The following ANXA11 variants were observed in gnomAD, a reference collection of about 807,000 sequenced individuals.
ANXA11 encodes annexin A11.
A neutral mutation model predicts 64.7 loss-of-function variants in ANXA11; 57 were observed. That is an observed-to-expected ratio of 0.88 (90% CI 0.71 to 1.10). The LOEUF is 1.10. Ranked by LOEUF, ANXA11 falls within the 50% of genes least tolerant of loss-of-function variation. ANXA11 has a pLI of 0.00. For synonymous variants in ANXA11, 260 were observed against 265.2 expected (o/e 0.98, Z 0.19); for missense variants, 675 against 670.7 (o/e 1.01, Z -0.07).
chr10:80,205,226 A>G (rs1840620219), intron 1 of ANXA11, 117 bp downstream of exon 1: 1 of 148,378 alleles, frequency 6.7e-6, no homozygotes, highest in Admixed American at 6.6e-5. Flanking sequence ...TGCAACCAGG[A>G]AGCCGCAGGG....
intron 1 of ANXA11, chr10:80,195,889 G>C (rs539635581): frequency 6.6e-6 from 1 of 152,516 alleles, no homozygotes; most frequent in East Asian, 1.9e-4. Context: ...AATAGCACAG[G>C]AAAGACCTGC....
At chr10:80,201,388 C>A (rs1456127610) in intron 1 of ANXA11, among the ~76,000 whole-genome samples, 1 of 152,100 alleles carries the variant, frequency 6.6e-6, no homozygotes, top group Non-Finnish European at 1.5e-5. Flanking sequence ...CTCGCTGTGC[C>A]CATGACTTCA....
chr10:80,160,953 C>T (rs951209053), intron 12 of ANXA11, among the ~76,000 whole-genome samples: 6 of 152,094 alleles, frequency 3.9e-5, no homozygotes, highest in African/African-American at 1.4e-4. Flanking sequence ...CAAACATGGC[C>T]GGAACCTGAC....
chr10:80,159,133 A>T lies in ANXA11; in HGVS notation c.1243T>A (p.Ser415Thr), dbSNP rs759947992. The T allele has an allele frequency of 3.1e-6, 5 of 1,613,960 alleles. No homozygotes were observed. Among genetic ancestry groups the T allele is most frequent in the African/African-American group, 1.3e-5 (1 of 74,902 alleles). The part of the protein sequence containing the change: ...DIEKSICREM[S>T]GDLEEGMLAV... Reference sequence around the variant, plus strand: ...AGCATGCCCTCCTCCAGGTCCCCGGACATCTCCCGGCAGATGCTCTTCTCA... The same window carrying T: ...AGCATGCCCTCCTCCAGGTCCCCGGTCATCTCCCGGCAGATGCTCTTCTCA... The change falls in exon 13 of 16, where the codon TCC (serine) becomes ACC (threonine). Residue 415 changes from serine (S) to threonine (T), a missense_variant. By Grantham distance (58) the Ser-to-Thr change is moderately conservative. Transcript: ENST00000422982.
At position 80,169,154 on chromosome 10, in the gene ANXA11, C is replaced by T; in HGVS notation, c.376G>A (p.Ala126Thr). 1 of 1,566,118 alleles carries T rather than the reference C, an allele frequency of 6.4e-7. No individual in the cohort carries two copies. Among genetic ancestry groups the T allele is most frequent in the Non-Finnish European group, 8.6e-7 (1 of 1,160,562 alleles). The change falls in exon 5 of 16, where the codon GCC (alanine) becomes ACC (threonine). Residue 126 changes from alanine to threonine, a missense_variant. Ala to Thr is a moderately conservative substitution (Grantham distance 58, BLOSUM62 0). Transcript: ENST00000422982. ...RMPSYPPYPG[A>T]PVPGQPMPPP... is the part of the protein sequence containing the mutation. ...GGCATGGGCTGGCCCGGCACAGGGG[C>T]CCCTGGGTATGGCGGATATGAGGGC...
At chr10:80,198,488 T>C (rs1306911751) in intron 1 of ANXA11, among the ~76,000 whole-genome samples, 3 of 152,208 alleles carry the variant, frequency 2.0e-5, no homozygotes, top group African/African-American at 7.2e-5. Context: ...CCGGCGGCAT[T>C]ATACAATATG....
In ANXA11 at chr10:80,152,929, G is replaced by A. The variant is rs961885580; in HGVS notation, c.*2924C>T. On this transcript the variant is annotated 3_prime_UTR_variant, in exon 16 of 16. Coordinates refer to ENST00000422982, the MANE Select transcript of ANXA11 (RefSeq NM_145868.2). Reference sequence around the variant, plus strand: ...TGGAGCCATGCCCATCCGAGCCCAAGAACATCTGTACAGCGTCAGCAGGGC... The same window carrying A: ...TGGAGCCATGCCCATCCGAGCCCAAAAACATCTGTACAGCGTCAGCAGGGC... 4 of 152,268 alleles carry A rather than the reference G, an allele frequency of 2.6e-5. No individual in the cohort carries two copies. Among genetic ancestry groups the A allele is most frequent in the Non-Finnish European group, 5.9e-5 (4 of 68,066 alleles). The allele number at this position is 152,268 out of a possible 1,614,324, so 9.4% of individuals were successfully genotyped here.
chr10:80,171,196 G>A (rs1022062657), intron 3 of ANXA11: 45 of 1,283,050 alleles, frequency 3.5e-5, no homozygotes, highest in Non-Finnish European at 4.4e-5. Context: ...GGAGAGCCCA[G>A]GCAGGCTCTG....
chr10:80,171,719 C>T, intron 3 of ANXA11: 1 of 985,510 alleles, frequency 1.0e-6, no homozygotes, highest in Non-Finnish European at 1.2e-6. Flanking sequence ...CTCTTCATCT[C>T]CAGGGCTCCA....
At chr10:80,172,209 G>A (rs1305368268) in intron 3 of ANXA11, among the ~76,000 whole-genome samples, 1 of 152,162 alleles carries the variant, frequency 6.6e-6, no homozygotes, top group Admixed American at 6.5e-5. Flanking sequence ...AGGACCAAAA[G>A]GGGCCAGGGC....
chr10:80,166,010 CCACACGCATGCGCGCGTGCGCA>C (rs1287407937), intron 8 of ANXA11, 52 bp downstream of exon 8: 6 of 879,742 alleles, frequency 6.8e-6, no homozygotes, highest in African/African-American at 3.7e-5. Context: ...GGCTGTGTGT[CCACACGCATGCGCGCGTGCGCA>C]CACACGCGCG....
rs767023683 is a variant in ANXA11, at chr10:80,169,159, G to A, written c.371C>T (p.Pro124Leu). Residue 124 changes from proline (P) to leucine (L), a missense_variant, in exon 5 of 16, where the codon CCA (proline) becomes CTA (leucine). Pro to Leu is a moderately conservative substitution (Grantham distance 98). Coordinates refer to ENST00000422982, the MANE Select transcript of ANXA11 (RefSeq NM_145868.2). ...PSRMPSYPPY[P>L]GAPVPGQPMP... Reference sequence around the variant, plus strand: ...GGGCTGGCCCGGCACAGGGGCCCCTGGGTATGGCGGATATGAGGGCATCCT... The same window carrying A: ...GGGCTGGCCCGGCACAGGGGCCCCTAGGTATGGCGGATATGAGGGCATCCT... 18 of 1,576,420 alleles carry A rather than the reference G, an allele frequency of 1.1e-5. No homozygotes were observed. The highest frequency in any genetic ancestry group is 1.5e-5 in the Non-Finnish European group (17 of 1,164,626).
rs1845333134 is a variant in ANXA11 at position 80,157,748 on chromosome 10, C to A, written c.1351G>T (p.Asp451Tyr). The change falls in exon 15 of 16, where the codon GAC becomes TAC. Residue 451 changes from aspartate (D) to tyrosine (Y), a missense_variant. By Grantham distance (160) the Asp-to-Tyr change is radical. Coordinates refer to ENST00000422982, the MANE Select transcript of ANXA11 (RefSeq NM_145868.2). Reference protein sequence around the residue: ...NKAMRGAGTKDRTLIRIMVSR... With the variant: ...NKAMRGAGTKYRTLIRIMVSR... ...ACCATGATGCGAATCAGGGTCCGGTCCTTTGTTCCTGCCCCCTAAAGAGAG... is the reference window on the plus strand; with the variant it reads ...ACCATGATGCGAATCAGGGTCCGGTACTTTGTTCCTGCCCCCTAAAGAGAG... The A allele has an allele frequency of 1.2e-6, 2 of 1,613,582 alleles. No homozygotes were observed. Among genetic ancestry groups the A allele is most frequent in the South Asian group, 2.2e-5 (2 of 91,014 alleles).
chr10:80,187,695 C>T (rs1846600430), intron 1 of ANXA11, among the ~76,000 whole-genome samples: 2 of 152,186 alleles, frequency 1.3e-5, no homozygotes, highest in Admixed American at 1.3e-4. Context: ...AAGGGGAAGC[C>T]ACCGCCAGTT....
At position 80,202,822 on chromosome 10, in the gene ANXA11, G is replaced by A. The variant is rs572254672; in HGVS notation, c.-58+2521C>T. Among the ~76,000 whole-genome samples the A allele has an allele frequency of 1.6e-4, 25 of 152,204 alleles. No homozygotes were observed. The South Asian group carries it at 5.0e-3, about 30-fold the overall frequency. ...GCACTTTGGGAGACTGAGGCAGGCAGATCACCTGAGGTCAGGAGTTCAAGA... is the reference window on the plus strand; with the variant it reads ...GCACTTTGGGAGACTGAGGCAGGCAAATCACCTGAGGTCAGGAGTTCAAGA... On this transcript the variant is annotated intron_variant, in intron 1 of 15. Transcript: ENST00000422982.
chr10:80,187,341 G>A (rs968881308), intron 1 of ANXA11, among the ~76,000 whole-genome samples: 2 of 152,226 alleles, frequency 1.3e-5, no homozygotes, highest in African/African-American at 4.8e-5. Flanking sequence ...GACACAGGGA[G>A]AAGGTGCTAT....
chr10:80,194,268 C>G (rs1846894159), intron 1 of ANXA11, among the ~76,000 whole-genome samples: 1 of 152,290 alleles, frequency 6.6e-6, no homozygotes, highest in Admixed American at 6.5e-5. Context: ...GAACTCACTG[C>G]TAGTGCCCCT....
At chr10:80,188,480 C>CATATATATAT (rs71034291) in intron 1 of ANXA11, among the ~76,000 whole-genome samples, 303 of 100,572 alleles carry the variant, frequency 3.0e-3, no homozygotes, top group East Asian at 0.019. Context: ...AGTATTCTCA[C>CATATATATAT]ATATATATAT....
At chr10:80,184,338 C>T (rs1846459778) in intron 1 of ANXA11, among the ~76,000 whole-genome samples, 1 of 152,168 alleles carries the variant, frequency 6.6e-6, no homozygotes, top group South Asian at 2.1e-4. Context: ...CAGTCCCCAA[C>T]TTATGATGGT....
Sources: gnomAD v4.1 joint callset for allele counts (sites outside exome capture counted in the v4.1 genomes callset) on GRCh38, gnomAD v4.1.1 for gene constraint, MANE v1.5 for transcripts, NCBI Gene and HGNC (gene_info 2026-07-23, HGNC 2026-07-21) for gene names.